Variants in WWTR1 observed in about 807,000 individuals in gnomAD.
The protein encoded by WWTR1 is WW domain-containing transcription regulator protein 1.
A neutral mutation model predicts 40.1 loss-of-function variants in WWTR1; 13 were observed. The ratio of observed to expected loss-of-function variants is 0.32; its 90% CI spans 0.21 to 0.52. The LOEUF (loss-of-function observed/expected upper bound fraction) is 0.52. Among genes scored for constraint, WWTR1 ranks in the 20% least tolerant of loss-of-function variants. The pLI is 0.97. For missense variants in WWTR1, 436 were observed against 523.1 expected, an observed-to-expected ratio of 0.83 and a Z score of 1.63; for synonymous variants, 230 against 210.1, an observed-to-expected ratio of 1.09 and a Z score of -0.82.
intron 4 of WWTR1, among the ~76,000 whole-genome samples, chr3:149,530,938 C>CTTT (rs753375505): frequency 3.5e-5 from 5 of 143,160 alleles, no homozygotes; most frequent in Non-Finnish European, 4.6e-5. Context: ...GGAATGATTG[C>CTTT]TTTTTTTTTT....
At chr3:149,698,935 G>A (rs995307169) in intron 1 of WWTR1, among the ~76,000 whole-genome samples, 7 of 152,182 alleles carry the variant, frequency 4.6e-5, no homozygotes, top group Non-Finnish European at 1.0e-4. Context: ...CTAAGCCTCT[G>A]AGCCTGTGAT....
chr3:149,692,892 C>T (rs1225402873), intron 1 of WWTR1, among the ~76,000 whole-genome samples: 2 of 152,094 alleles, frequency 1.3e-5, no homozygotes, highest in Non-Finnish European at 2.9e-5. Flanking sequence ...ACCTAGTCCT[C>T]CCAAAGTGCT....
chr3:149,544,232 C>T (rs1736268380), intron 3 of WWTR1, among the ~76,000 whole-genome samples: 1 of 152,074 alleles, frequency 6.6e-6, no homozygotes. Context: ...CATATATGTA[C>T]ATTTGAAAGA....
chr3:149,607,737 GA>G (rs1160120852), intron 2 of WWTR1, among the ~76,000 whole-genome samples: 3 of 152,164 alleles, frequency 2.0e-5, no homozygotes, highest in African/African-American at 7.2e-5. Flanking sequence ...TGTCAGTGAG[GA>G]ATCAGAGTTC....
chr3:149,682,270 T>C (rs722420), intron 1 of WWTR1, among the ~76,000 whole-genome samples: 11,199 of 152,232 alleles, frequency 0.074, 686 homozygotes, highest in East Asian at 0.29. Flanking sequence ...ATAGAGACAC[T>C]TATTAGTTTT....
At chr3:149,634,183 C>T (rs2108113432) in intron 2 of WWTR1, among the ~76,000 whole-genome samples, 1 of 152,246 alleles carries the variant, frequency 6.6e-6, no homozygotes, top group Admixed American at 6.5e-5. Context: ...TGGCTCTGGG[C>T]CCAGACTGCC....
At chr3:149,549,172 G>A (rs1039422558) in intron 3 of WWTR1, among the ~76,000 whole-genome samples, 1 of 152,186 alleles carries the variant, frequency 6.6e-6, no homozygotes, top group Admixed American at 6.5e-5. Context: ...ACTGCAAATA[G>A]TGAGTTCATT....
chr3:149,555,151 G>C (rs1341348822), intron 3 of WWTR1, among the ~76,000 whole-genome samples: 1 of 152,188 alleles, frequency 6.6e-6, no homozygotes, highest in Non-Finnish European at 1.5e-5. Flanking sequence ...AAGAGAAAAC[G>C]AATCTACAGC....
chr3:149,536,339 T>A (rs1469864454), intron 4 of WWTR1, among the ~76,000 whole-genome samples: 1 of 152,224 alleles, frequency 6.6e-6, no homozygotes, highest in Non-Finnish European at 1.5e-5. Context: ...CCTAATGCTA[T>A]GAAATGCTTT....
intron 2 of WWTR1, among the ~76,000 whole-genome samples, chr3:149,590,335 C>T (rs1054477628): frequency 4.6e-5 from 7 of 152,026 alleles, no homozygotes; most frequent in Non-Finnish European, 7.4e-5. Context: ...ACATAACAGG[C>T]TTACTAATCT....
chr3:149,524,582 A>G (rs551469619), intron 6 of WWTR1, among the ~76,000 whole-genome samples: 1 of 152,336 alleles, frequency 6.6e-6, no homozygotes, highest in African/African-American at 2.4e-5. Context: ...AAACTGAAGA[A>G]CAGTAAAACA....
At chr3:149,564,715 T>C in intron 3 of WWTR1, among the ~76,000 whole-genome samples, 1 of 152,164 alleles carries the variant, frequency 6.6e-6, no homozygotes, top group East Asian at 1.9e-4. Context: ...CAAGTTCCTG[T>C]CCTCAAGAAG....
chr3:149,541,974 C>A (rs1736124160), intron 4 of WWTR1, among the ~76,000 whole-genome samples: 1 of 152,170 alleles, frequency 6.6e-6, no homozygotes, highest in Non-Finnish European at 1.5e-5. Flanking sequence ...TTCTGACCCA[C>A]AAAATTGTGC....
intron 1 of WWTR1, among the ~76,000 whole-genome samples, chr3:149,681,486 G>A (rs1714456544): frequency 6.6e-6 from 1 of 152,174 alleles, no homozygotes; most frequent in Non-Finnish European, 1.5e-5. Context: ...TTTATTTGGA[G>A]AAATGTATAT....
At chr3:149,662,443 C>T (rs1045105132), upstream of WWTR1, among the ~76,000 whole-genome samples, 2 of 152,170 alleles carry the variant, frequency 1.3e-5, no homozygotes, top group African/African-American at 2.4e-5. Flanking sequence ...CTTCTAAATC[C>T]TCCCCACAAC....
chr3:149,561,305 T>A (rs1234583936), intron 3 of WWTR1, among the ~76,000 whole-genome samples: 1 of 151,172 alleles, frequency 6.6e-6, no homozygotes, highest in African/African-American at 2.4e-5. Flanking sequence ...AAAAGAAGTA[T>A]GTCCAAGTCT....
At chr3:149,672,357 T>G (rs1199287608) in intron 1 of WWTR1, among the ~76,000 whole-genome samples, 2 of 152,144 alleles carry the variant, frequency 1.3e-5, no homozygotes, top group Non-Finnish European at 2.9e-5. Context: ...ACATACATGA[T>G]TTCCACTCAC....
At chr3:149,675,676 A>G (rs1225605597) in intron 1 of WWTR1, among the ~76,000 whole-genome samples, 1 of 152,162 alleles carries the variant, frequency 6.6e-6, no homozygotes, top group African/African-American at 2.4e-5. Context: ...CTAATTAAAA[A>G]CATGGAAGTG....
intron 2 of WWTR1, among the ~76,000 whole-genome samples, chr3:149,618,330 C>G (rs1175960503): frequency 1.3e-5 from 2 of 152,332 alleles, no homozygotes; most frequent in African/African-American, 4.8e-5. Context: ...GTGGGGTCAG[C>G]AGACACTGAG....
Sources: allele counts gnomAD v4.1 joint callset (sites outside exome capture counted in the v4.1 genomes callset), GRCh38; gene constraint gnomAD v4.1.1; transcripts MANE v1.5; gene names NCBI Gene and HGNC (gene_info 2026-07-23, HGNC 2026-07-21).